The following RIC3 variants were observed in gnomAD, a reference collection of about 807,000 sequenced individuals.
The protein encoded by RIC3 is RIC3 acetylcholine receptor chaperone, also known as protein RIC-3.
A neutral mutation model predicts 27.3 loss-of-function variants in RIC3; 28 were observed. That is an observed-to-expected ratio of 1.02 (90% confidence interval 0.76 to 1.41). The LOEUF is 1.41. Ranked by LOEUF, RIC3 falls within the 40% of genes most tolerant of loss-of-function variation. The probability of loss-of-function intolerance (pLI) is 0.00; values close to 1 mark genes in which losing one functional copy is unlikely to be tolerated. For missense variants in RIC3, 501 were observed against 444.7 expected (o/e 1.13, Z -1.14); for synonymous variants, 184 against 160.4 (o/e 1.15, Z -1.11).
chr11:8,131,980 C>G (rs1386041568), intron 4 of RIC3, among the ~76,000 whole-genome samples: 2 of 146,162 alleles, frequency 1.4e-5, no homozygotes, highest in African/African-American at 2.5e-5. Flanking sequence ...TATACAAACA[C>G]AGTGAACAAA....
rs146114079 is a variant in RIC3, at chr11:8,156,125, C to T, written c.124+12741G>A. ...AAGTTGCTTAGCACAGGGCCCGATCCACACACTCAATACACATCAATTACC... is the reference window on the plus strand; with the variant it reads ...AAGTTGCTTAGCACAGGGCCCGATCTACACACTCAATACACATCAATTACC... On this transcript the variant is annotated intron_variant, in intron 1 of 5. Transcript: ENST00000309737. 6.5e-3 allele frequency among the ~76,000 whole-genome samples: 969 copies of T among 149,680 alleles called. 22 individuals are homozygous for T. The highest frequency in any genetic ancestry group is 0.052 in the Admixed American group (780 of 15,096).
At chr11:8,118,667 A>G (rs1946135271) in intron 5 of RIC3, among the ~76,000 whole-genome samples, 1 of 152,006 alleles carries the variant, frequency 6.6e-6, no homozygotes, top group African/African-American at 2.4e-5. Context: ...CAAGAGTTCG[A>G]GACCAGCCTG....
At chr11:8,167,371 G>A (rs901557206) in intron 1 of RIC3, among the ~76,000 whole-genome samples, 1 of 152,154 alleles carries the variant, frequency 6.6e-6, no homozygotes, top group Admixed American at 6.5e-5. Context: ...TTTAGTTAGT[G>A]TCATCAGGGG....
the RIC3 span, chr11:8,095,739 C>T: frequency 1.4e-6 from 2 of 1,472,164 alleles, 1 homozygote; most frequent in South Asian, 2.6e-5. Flanking sequence ...TCTCTGGGAG[C>T]ATGGCCTTCC....
the RIC3 span, chr11:8,096,630 A>T: frequency 8.4e-7 from 1 of 1,190,370 alleles, no homozygotes; most frequent in Non-Finnish European, 1.3e-6. Context: ...TGTGTATTTC[A>T]GGGGCAGCGT....
rs1945187563 is a variant in RIC3, at chr11:8,110,977, A to T, written c.831T>A (p.Gly277=). The change falls in exon 6 of 6, where the codon GGT becomes GGA. Residue 277 remains glycine, a synonymous_variant. Transcript: ENST00000309737. The part of the protein sequence containing the change: ...MIEEEESDHL[G]WESLPTDPRA... ...TGGGGTCAGTGGGCAGACTTTCCCA[A>T]CCCAAATGATCTGATTCTTCCTCTT... 1.2e-6 allele frequency: 2 copies of T among 1,614,028 alleles called. No individual in the cohort carries two copies. The highest frequency in any genetic ancestry group is 4.5e-5 in the East Asian group (2 of 44,900).
the RIC3 span, chr11:8,100,612 AC>A: frequency 6.8e-6 from 11 of 1,611,224 alleles, no homozygotes; most frequent in Non-Finnish European, 9.3e-6. Context: ...GTGAGTGTCT[AC>A]CCCTTCCTCC....
the RIC3 span, among the ~76,000 whole-genome samples, chr11:8,100,158 TG>T: frequency 2.0e-5 from 3 of 152,080 alleles, no homozygotes; most frequent in Admixed American, 6.5e-5. Context: ...TGAAAAGTGG[TG>T]GAAGTCTGGG....
At chr11:8,144,226 A>G (rs1279388827) in intron 1 of RIC3, among the ~76,000 whole-genome samples, 2 of 151,218 alleles carry the variant, frequency 1.3e-5, no homozygotes, top group Admixed American at 6.6e-5. Context: ...AGAAACTACC[A>G]TCAGAGTGAA....
chr11:8,100,386 T>TA, the RIC3 span: 3 of 797,336 alleles, frequency 3.8e-6, no homozygotes, highest in South Asian at 4.6e-5. Context: ...GGATGTGTGT[T>TA]AGACTTCGGA....
intron 1 of RIC3, 24 bp from the exon 2 acceptor site, chr11:8,140,217 T>C (rs754212802): frequency 1.3e-6 from 2 of 1,597,368 alleles, no homozygotes; most frequent in Admixed American, 1.7e-5. Context: ...AATCACTTTT[T>C]ATCTCTTCTA....
downstream of RIC3, chr11:8,101,725 G>A: frequency 6.8e-7 from 1 of 1,468,762 alleles, no homozygotes; most frequent in South Asian, 1.4e-5. Flanking sequence ...TCCGCCAGAT[G>A]AAGCTTTGGC....
chr11:8,111,326 G>T (rs1945239065), intron 5 of RIC3, among the ~76,000 whole-genome samples, 189 bp from the exon 6 acceptor site: 1 of 152,182 alleles, frequency 6.6e-6, no homozygotes, highest in Non-Finnish European at 1.5e-5. Context: ...GGCTATCCCA[G>T]TGCTCTTTGA....
the RIC3 span, chr11:8,100,995 A>G: frequency 1.3e-5 from 21 of 1,614,030 alleles, no homozygotes; most frequent in Non-Finnish European, 1.8e-5. Flanking sequence ...CATGGCAATG[A>G]CCGTGAGTGT....
chr11:8,101,855 T>TGATATG, downstream of RIC3: 1 of 475,822 alleles, frequency 2.1e-6, no homozygotes. Context: ...ATTCTTTCCA[T>TGATATG]GCCACGAGAT....
Position 8,106,292 on chromosome 11 carries a change from T to C in RIC3, c.*4406A>G, listed in dbSNP as rs1944640518. ...GGGGAAAAAAGCCCTGTTTACTTCC[T>C]AATTTTTTTCTATACCTTTCATTCA... On this transcript the variant is annotated 3_prime_UTR_variant, in exon 6 of 6. Coordinates refer to ENST00000309737, the MANE Select transcript of RIC3 (RefSeq NM_001206671.4). The C allele has an allele frequency of 6.6e-6, 1 of 152,192 alleles. No individual in the cohort carries two copies. Among genetic ancestry groups the C allele is most frequent in the Non-Finnish European group, 1.5e-5 (1 of 68,034 alleles). 9.4% of individuals were successfully genotyped at this position (152,192 alleles called of 1,614,324 possible). A position where few individuals can be genotyped will look rare whatever the true frequency, so the allele number is the denominator to read the frequency against.
At chr11:8,095,505 C>A in the RIC3 span, 1 of 1,608,438 alleles carries the variant, frequency 6.2e-7, no homozygotes, top group Non-Finnish European at 8.5e-7. Flanking sequence ...CAGGCACCAG[C>A]GGGCCAGCAG....
At chr11:8,165,980 G>A (rs1951662771) in intron 1 of RIC3, among the ~76,000 whole-genome samples, 1 of 151,794 alleles carries the variant, frequency 6.6e-6, no homozygotes, top group African/African-American at 2.4e-5. Context: ...TAGAGATGGG[G>A]GTCTTGTTAT....
intron 1 of RIC3, among the ~76,000 whole-genome samples, chr11:8,153,604 T>A (rs1287955375): frequency 6.6e-6 from 1 of 152,144 alleles, no homozygotes; most frequent in Non-Finnish European, 1.5e-5. Flanking sequence ...TTAATCCCCT[T>A]CCCCAATACT....
Sources: gnomAD v4.1 joint callset for allele counts (sites outside exome capture counted in the v4.1 genomes callset) on GRCh38, gnomAD v4.1.1 for gene constraint, MANE v1.5 for transcripts, NCBI Gene and HGNC (gene_info 2026-07-23, HGNC 2026-07-21) for gene names.